The following IKBKG variants were observed in gnomAD, a reference collection of about 807,000 sequenced individuals.
IKBKG encodes the protein inhibitor of nuclear factor kappa B kinase regulatory subunit gamma.
In IKBKG, 2 loss-of-function variants were observed where a neutral mutation model predicts 13.7. The ratio of observed to expected loss-of-function variants is 0.15; its 90% CI spans 0.06 to 0.46. IKBKG has a LOEUF of 0.46. IKBKG is among the 20% of genes least tolerant of loss of function. The probability of loss-of-function intolerance (pLI) is 0.98; values close to 1 mark genes in which losing one functional copy is unlikely to be tolerated. For missense variants in IKBKG, 53 were observed against 150.3 expected (o/e 0.35, Z 3.39); for synonymous variants, 22 against 64.4 (o/e 0.34, Z 3.15).
chrX:154,553,519 G>C (rs1557235504), intron 2 of IKBKG, among the ~76,000 whole-genome samples: 1 of 112,395 alleles, frequency 8.9e-6, no homozygotes, highest in Non-Finnish European at 1.9e-5. Flanking sequence ...TTGCTGTCAG[G>C]GGGCTGCTTG....
At chrX:154,560,322 AC>A in intron 4 of IKBKG, 84 bp from the exon 5 acceptor site, 1 of 339,204 alleles carries the variant, frequency 2.9e-6, no homozygotes, top group East Asian at 6.9e-5. Context: ...TTCAGAGCCG[AC>A]CCCCACCCCC....
At chrX:154,552,216 C>T (rs2070953562) in intron 2 of IKBKG, 27 bp downstream of exon 2, 1 of 1,147,141 alleles carries the variant, frequency 8.7e-7, no homozygotes, top group Non-Finnish European at 1.2e-6. Flanking sequence ...GGGATCCAGC[C>T]CTGCTGAGGG....
upstream of IKBKG, chrX:154,545,672 T>G: frequency 4.5e-6 from 1 of 223,395 alleles, no homozygotes; most frequent in Non-Finnish European, 8.2e-6. Flanking sequence ...CCGTCTCTAC[T>G]AACAATACAA....
upstream of IKBKG, chrX:154,547,051 T>G (rs1278924484): frequency 2.2e-5 from 4 of 179,774 alleles, no homozygotes; most frequent in Non-Finnish European, 2.0e-5. Context: ...GCCCGCCGGC[T>G]GCCTGCCATA....
upstream of IKBKG, chrX:154,547,572 G>C: frequency 1.3e-6 from 1 of 755,057 alleles, no homozygotes; most frequent in Non-Finnish European, 1.6e-6. Context: ...CCGAGTTCTC[G>C]GGGGCGGGGC....
chrX:154,544,871 A>G (rs1603414512), upstream of IKBKG, among the ~76,000 whole-genome samples: 5 of 112,725 alleles, frequency 4.4e-5, no homozygotes, highest in South Asian at 1.8e-3. Flanking sequence ...TGAACAAAGA[A>G]CCACTGAGCT....
upstream of IKBKG, among the ~76,000 whole-genome samples, chrX:154,545,275 T>C (rs190769680): frequency 2.2e-3 from 245 of 111,768 alleles, no homozygotes; most frequent in Non-Finnish European, 4.0e-3. Context: ...AGCTCCTTGG[T>C]AGGCTTTCGA....
chrX:154,554,272 C>T (rs2071006387), intron 2 of IKBKG, among the ~76,000 whole-genome samples: 1 of 112,438 alleles, frequency 8.9e-6, no homozygotes, highest in Admixed American at 9.4e-5. Context: ...CCAGAAGTGG[C>T]CAATCTGCAG....
upstream of IKBKG, chrX:154,547,367 C>T: frequency 1.3e-6 from 1 of 755,073 alleles, no homozygotes; most frequent in Non-Finnish European, 1.6e-6. Context: ...CCGGAGAGGG[C>T]GGGGCGGCCG....
At chrX:154,553,714 C>T (rs2070994806) in intron 2 of IKBKG, among the ~76,000 whole-genome samples, 1 of 112,898 alleles carries the variant, frequency 8.9e-6, no homozygotes, top group Admixed American at 9.3e-5. Flanking sequence ...ATGCCAGTAG[C>T]ACCTGTCCTG....
chrX:154,544,579 G>A (rs950404705), upstream of IKBKG, among the ~76,000 whole-genome samples: 43 of 112,787 alleles, frequency 3.8e-4, no homozygotes, highest in Non-Finnish European at 7.1e-4. Context: ...ACAGGCGTGA[G>A]CCACCGTGCC....
upstream of IKBKG, among the ~76,000 whole-genome samples, chrX:154,543,738 G>C (rs1007768145): frequency 5.4e-5 from 6 of 110,521 alleles, no homozygotes; most frequent in Admixed American, 3.9e-4. Context: ...CCGTCACCCA[G>C]GATGGAGTGC....
At chrX:154,542,080 C>A (rs1440143415) in intron 1 of IKBKG, among the ~76,000 whole-genome samples, 1 of 112,400 alleles carries the variant, frequency 8.9e-6, no homozygotes, top group African/African-American at 3.2e-5. Flanking sequence ...CTGCTATACC[C>A]GGGGGCTCAT....
chrX:154,544,848 G>A (rs782046317), upstream of IKBKG, among the ~76,000 whole-genome samples: 4 of 112,426 alleles, frequency 3.6e-5, no homozygotes, highest in South Asian at 3.6e-4. Flanking sequence ...GTGTGACAGC[G>A]CGTTGTTCTA....
chrX:154,543,223 C>T (rs2070576941), upstream of IKBKG, among the ~76,000 whole-genome samples: 1 of 112,563 alleles, frequency 8.9e-6, no homozygotes. Flanking sequence ...CTGGCACTTC[C>T]TATTTCTGCT....
chrX:154,547,295 G>A, upstream of IKBKG: 5 of 747,656 alleles, frequency 6.7e-6, no homozygotes, highest in Non-Finnish European at 7.9e-6. Flanking sequence ...ACTCCCCCGG[G>A]AACCCTCGCC....
At chrX:154,550,236 G>T (rs1421863963) in intron 1 of IKBKG, among the ~76,000 whole-genome samples, 2 of 90,707 alleles carry the variant, frequency 2.2e-5, no homozygotes, top group African/African-American at 9.1e-5. Flanking sequence ...ATGTGCTCTT[G>T]TGTGTGTGTG....
chrX:154,548,809 G>A (rs1411939827), intron 1 of IKBKG, among the ~76,000 whole-genome samples: 1 of 110,688 alleles, frequency 9.0e-6, no homozygotes, highest in Non-Finnish European at 1.9e-5. Context: ...CAGGTGATCT[G>A]CCTGCCTCAG....
chrX:154,542,494 G>C, upstream of IKBKG: 1 of 1,142,594 alleles, frequency 8.8e-7, no homozygotes, highest in Non-Finnish European at 1.2e-6. Flanking sequence ...TGGGAGTCCT[G>C]AGAAGGCAGG....
Sources: gnomAD v4.1 joint callset for allele counts (sites outside exome capture counted in the v4.1 genomes callset) on GRCh38, gnomAD v4.1.1 for gene constraint, MANE v1.5 for transcripts, NCBI Gene and HGNC (gene_info 2026-07-23, HGNC 2026-07-21) for gene names.